The following FRMD4B variants were observed in gnomAD, a reference collection of about 807,000 sequenced individuals.
FRMD4B encodes the protein FERM domain-containing protein 4B.
In FRMD4B, 74 loss-of-function variants were observed where a neutral mutation model predicts 141.5. The ratio of observed to expected loss-of-function variants is 0.52; its 90% confidence interval spans 0.43 to 0.63. The LOEUF (loss-of-function observed/expected upper bound fraction) is 0.63, where lower values mean the gene tolerates loss of function less well. Among genes scored for constraint, FRMD4B ranks in the 30% least tolerant of loss-of-function variants. FRMD4B has a pLI of 0.00. For missense variants in FRMD4B, 1,366 were observed against 1,253.4 expected (o/e 1.09, Z -1.36); for synonymous variants, 506 against 467.9 (o/e 1.08, Z -1.05).
At chr3:69,327,178 C>A (rs1288783065) in intron 1 of FRMD4B, among the ~76,000 whole-genome samples, 2 of 152,054 alleles carry the variant, frequency 1.3e-5, no homozygotes, top group African/African-American at 4.8e-5. Flanking sequence ...CAGCAGACAC[C>A]CTGTGGTTTG....
At chr3:69,192,026 A>G (rs1003171646) in intron 17 of FRMD4B, among the ~76,000 whole-genome samples, 3 of 152,230 alleles carry the variant, frequency 2.0e-5, no homozygotes, top group Non-Finnish European at 4.4e-5. Context: ...TATTTTAAGT[A>G]CCAGCAAAAA....
intron 1 of FRMD4B, among the ~76,000 whole-genome samples, chr3:69,362,710 C>CAA (rs1553730363): frequency 0.37 from 54,836 of 148,160 alleles, 12,078 homozygotes; most frequent in African/African-American, 0.62. Context: ...ACCCCCCCCC[C>CAA]AAAAAAACAA....
At chr3:69,249,997 G>C (rs377615613) in intron 6 of FRMD4B, 46 bp downstream of exon 6, 5 of 1,316,900 alleles carry the variant, frequency 3.8e-6, no homozygotes, top group Non-Finnish European at 4.4e-6. Context: ...TAACAAAAAC[G>C]AACAAACACA....
intron 22 of FRMD4B, among the ~76,000 whole-genome samples, chr3:69,174,237 C>A (rs6809451): frequency 0.95 from 144,641 of 152,242 alleles, 69,111 homozygotes; most frequent in Non-Finnish European, 1. Context: ...GGAGCTGCTA[C>A]GTAAAGTAGG....
intron 2 of FRMD4B, among the ~76,000 whole-genome samples, chr3:69,392,773 G>A (rs1194899867): frequency 6.6e-6 from 1 of 152,134 alleles, no homozygotes; most frequent in Non-Finnish European, 1.5e-5. Context: ...CCTCACTCAG[G>A]GGGTGGGGGT....
At chr3:69,463,076 A>G (rs1354186038) in intron 1 of FRMD4B, among the ~76,000 whole-genome samples, 1 of 152,234 alleles carries the variant, frequency 6.6e-6, no homozygotes, top group Non-Finnish European at 1.5e-5. Flanking sequence ...ATGGAACATA[A>G]TCTGCATGCA....
At chr3:69,494,944 G>C (rs984981454) in intron 1 of FRMD4B, among the ~76,000 whole-genome samples, 1 of 149,216 alleles carries the variant, frequency 6.7e-6, no homozygotes, top group East Asian at 2.0e-4. Flanking sequence ...GAGAGGAGGG[G>C]AAGAGAGGGG....
At chr3:69,384,017 C>T (rs1704188793) in intron 1 of FRMD4B, among the ~76,000 whole-genome samples, 1 of 150,524 alleles carries the variant, frequency 6.6e-6, no homozygotes, top group Non-Finnish European at 1.5e-5. Context: ...CCGGGCTGGC[C>T]TCAAACTCCT....
Position 69,176,294 on chromosome 3 carries a change from C to T in FRMD4B, c.2984+230G>A, listed in dbSNP as rs192441663. 5.9e-5 allele frequency among the ~76,000 whole-genome samples: 9 copies of T among 152,330 alleles called. No individual in the cohort carries two copies. The East Asian group carries it at 1.5e-3, about 26-fold the overall frequency. On this transcript the variant is annotated intron_variant, in intron 22 of 22. Transcript: ENST00000398540. ...GATATTTTTGGCTTTGGTGCAACTA[C>T]TCAGCTCTGCCCTCATAGTGCAAAA...
intron 2 of FRMD4B, among the ~76,000 whole-genome samples, chr3:69,416,919 T>C (rs748333313): frequency 2.0e-5 from 3 of 152,230 alleles, no homozygotes; most frequent in Non-Finnish European, 2.9e-5. Flanking sequence ...CCATCATGTA[T>C]ATATGCCACA....
chr3:69,411,475 A>G (rs1704760630), intron 2 of FRMD4B, among the ~76,000 whole-genome samples: 1 of 152,164 alleles, frequency 6.6e-6, no homozygotes, highest in South Asian at 2.1e-4. Flanking sequence ...GACAGCATTG[A>G]GTTTCTGAGT....
chr3:69,230,121 G>A (rs1001132618), intron 7 of FRMD4B, among the ~76,000 whole-genome samples: 8 of 151,712 alleles, frequency 5.3e-5, no homozygotes, highest in African/African-American at 1.7e-4. Flanking sequence ...GATTACAGGC[G>A]CCCTCCGCCA....
In FRMD4B at chr3:69,181,779, T is replaced by C. The variant is rs996905823; in HGVS notation, c.2040-69A>G. On this transcript the variant is annotated intron_variant, in intron 20 of 22. Coordinates refer to ENST00000398540, the MANE Select transcript of FRMD4B (RefSeq NM_015123.3). ...GGAGGACCCAAATAAGAAAAAAGAA[T>C]AGCATGCTGAATGACTGAATAGCTC... The C allele has an allele frequency of 1.1e-5, 10 of 923,790 alleles. No individual in the cohort carries two copies. In the African/African-American group the frequency reaches 1.5e-4, roughly 14 times the overall value. 57.2% of individuals were successfully genotyped at this position (923,790 alleles called of 1,614,324 possible).
chr3:69,219,479 C>G (rs2093173082), intron 9 of FRMD4B, among the ~76,000 whole-genome samples: 1 of 152,072 alleles, frequency 6.6e-6, no homozygotes, highest in South Asian at 2.1e-4. Context: ...AACTGCACAG[C>G]CAGAATTCTA....
chr3:69,468,792 C>G (rs940001107), intron 1 of FRMD4B, among the ~76,000 whole-genome samples: 1 of 152,160 alleles, frequency 6.6e-6, no homozygotes, highest in Non-Finnish European at 1.5e-5. Flanking sequence ...CTGAATCAAG[C>G]AAGTCGAGGG....
At chr3:69,485,972 T>C (rs928980307) in intron 1 of FRMD4B, among the ~76,000 whole-genome samples, 2 of 152,248 alleles carry the variant, frequency 1.3e-5, no homozygotes, top group Admixed American at 1.3e-4. Flanking sequence ...ATATGTATTC[T>C]AGAATATTAT....
intron 1 of FRMD4B, among the ~76,000 whole-genome samples, chr3:69,448,525 C>T (rs1215532859): frequency 6.6e-6 from 1 of 152,184 alleles, no homozygotes; most frequent in Non-Finnish European, 1.5e-5. Flanking sequence ...CTCACTGATA[C>T]TTGCCATTGT....
intron 2 of FRMD4B, among the ~76,000 whole-genome samples, chr3:69,392,761 C>A (rs1575785262): frequency 1.3e-5 from 2 of 152,108 alleles, no homozygotes; most frequent in Non-Finnish European, 2.9e-5. Context: ...CAGTGGCAGG[C>A]TCCTCACTCA....
At chr3:69,390,408 A>T (rs150789783), upstream of FRMD4B, among the ~76,000 whole-genome samples, 281 of 152,316 alleles carry the variant, frequency 1.8e-3, no homozygotes, top group Non-Finnish European at 3.3e-3. Context: ...CCTCCCTCCC[A>T]TGCTGAGACA....
Sources: gnomAD v4.1 joint callset for allele counts (sites outside exome capture counted in the v4.1 genomes callset) on GRCh38, gnomAD v4.1.1 for gene constraint, MANE v1.5 for transcripts, NCBI Gene and HGNC (gene_info 2026-07-23, HGNC 2026-07-21) for gene names.